The following DCDC1 variants were observed in gnomAD, a reference collection of about 807,000 sequenced individuals.
The protein encoded by DCDC1 is doublecortin domain containing 1, also known as doublecortin domain-containing protein 1.
DCDC1 carries 200 observed loss-of-function variants against 178.3 expected under a neutral mutation model. The ratio of observed to expected loss-of-function variants is 1.12; its 90% CI spans 1.00 to 1.26. The LOEUF (loss-of-function observed/expected upper bound fraction) is 1.26, where lower values mean the gene tolerates loss of function less well. Ranked by LOEUF, DCDC1 falls within the 50% of genes most tolerant of loss-of-function variation. The pLI is 0.00. For synonymous variants in DCDC1, 690 were observed against 604.8 expected, an observed-to-expected ratio of 1.14 and a Z score of -2.07; for missense variants, 1,983 against 1,749.2, an observed-to-expected ratio of 1.13 and a Z score of -2.38.
intron 36 of DCDC1, 76 bp from the exon 37 acceptor site, chr11:30,881,384 T>G: frequency 3.9e-6 from 6 of 1,525,900 alleles, no homozygotes; most frequent in Non-Finnish European, 4.4e-6. Flanking sequence ...CCAACTCTTC[T>G]GAGAAAACTA....
At chr11:30,951,413 G>A (rs1343238132) in intron 21 of DCDC1, among the ~76,000 whole-genome samples, 2 of 152,036 alleles carry the variant, frequency 1.3e-5, no homozygotes, top group East Asian at 1.9e-4. Flanking sequence ...AAAATGAGAA[G>A]AGCTTGCTAT....
chr11:31,160,802 CA>C (rs1966245126), intron 9 of DCDC1, among the ~76,000 whole-genome samples: 1 of 152,182 alleles, frequency 6.6e-6, no homozygotes, highest in Admixed American at 6.5e-5. Context: ...CACAATTTGG[CA>C]CTGTTTAGAA....
intron 14 of DCDC1, among the ~76,000 whole-genome samples, chr11:31,103,417 C>T (rs1444798780): frequency 6.6e-6 from 1 of 152,130 alleles, no homozygotes; most frequent in Non-Finnish European, 1.5e-5. Context: ...AGAAACTATA[C>T]TTCGCTCATG....
rs1948576881 is a variant in DCDC1 at position 31,308,247 on chromosome 11, A to G, written c.165-339T>C. 2.0e-5 allele frequency among the ~76,000 whole-genome samples: 3 copies of G among 152,344 alleles called. No homozygotes were observed. In the South Asian group the frequency reaches 6.2e-4, roughly 32 times the overall value. ...TGCTTTACTTAATTCAACCAAAAGGAAGCTTGCATAATGTTTAAAACAATG... is the reference window on the plus strand; with the variant it reads ...TGCTTTACTTAATTCAACCAAAAGGGAGCTTGCATAATGTTTAAAACAATG... On this transcript the variant is annotated intron_variant, in intron 3 of 38. Coordinates refer to ENST00000684477, the MANE Select transcript of DCDC1 (RefSeq NM_001387274.1).
At chr11:31,174,406 AC>A (rs1462353548) in intron 9 of DCDC1, among the ~76,000 whole-genome samples, 1 of 152,176 alleles carries the variant, frequency 6.6e-6, no homozygotes, top group Non-Finnish European at 1.5e-5. Flanking sequence ...TTGGGCACCA[AC>A]CAGCACAAGA....
At chr11:30,962,757 T>C (rs1949181735) in intron 20 of DCDC1, among the ~76,000 whole-genome samples, 1 of 152,098 alleles carries the variant, frequency 6.6e-6, no homozygotes, top group Admixed American at 6.6e-5. Flanking sequence ...TGCTATTTTG[T>C]TTTGTTTTTC....
chr11:31,336,016 A>T (rs926864708), intron 1 of DCDC1, among the ~76,000 whole-genome samples: 1 of 152,234 alleles, frequency 6.6e-6, no homozygotes, highest in Non-Finnish European at 1.5e-5. Context: ...GGCACTTATA[A>T]TCAGTTAACA....
chr11:30,939,355 C>T (rs913777350), intron 21 of DCDC1, among the ~76,000 whole-genome samples: 1 of 152,170 alleles, frequency 6.6e-6, no homozygotes, highest in African/African-American at 2.4e-5. Flanking sequence ...CTGGATGGAC[C>T]ACCAGGTTGT....
intron 9 of DCDC1, among the ~76,000 whole-genome samples, chr11:31,154,971 T>G (rs1263660742): frequency 2.0e-5 from 3 of 152,220 alleles, no homozygotes; most frequent in African/African-American, 7.2e-5. Flanking sequence ...GAAGCATTTT[T>G]AGGCAAAGGG....
At chr11:31,010,764 G>A (rs988895242) in intron 20 of DCDC1, among the ~76,000 whole-genome samples, 2 of 152,136 alleles carry the variant, frequency 1.3e-5, no homozygotes, top group African/African-American at 2.4e-5. Flanking sequence ...CCATTTTTAA[G>A]TTTTAAATAA....
intron 20 of DCDC1, among the ~76,000 whole-genome samples, chr11:30,970,081 T>A (rs939530079): frequency 1.3e-5 from 2 of 152,188 alleles, no homozygotes; most frequent in Admixed American, 1.3e-4. Flanking sequence ...TAGGATAGAA[T>A]GGGAATCTGG....
chr11:30,992,435 G>A (rs534274759), intron 20 of DCDC1: 1 of 152,284 alleles, frequency 6.6e-6, no homozygotes, highest in African/African-American at 2.4e-5. Context: ...CAGTGAGGCA[G>A]TCCTGCCAAA....
intron 24 of DCDC1, among the ~76,000 whole-genome samples, chr11:30,921,396 G>C (rs1393025132): frequency 6.6e-6 from 1 of 151,700 alleles, no homozygotes; most frequent in Non-Finnish European, 1.5e-5. Context: ...CTTTTGTCCT[G>C]GTTCCTGGAG....
chr11:31,357,285 A>G (rs1951432909), intron 1 of DCDC1, among the ~76,000 whole-genome samples: 1 of 151,272 alleles, frequency 6.6e-6, no homozygotes, highest in Non-Finnish European at 1.5e-5. Flanking sequence ...GGTTCAATAT[A>G]CGCAAATCAA....
intron 36 of DCDC1, among the ~76,000 whole-genome samples, chr11:30,888,743 C>T (rs1343849738): frequency 6.6e-6 from 1 of 152,108 alleles, no homozygotes; most frequent in Non-Finnish European, 1.5e-5. Context: ...AAAAACAAAA[C>T]AAAACAAAAG....
At chr11:31,115,866 C>T (rs1233444008) in intron 11 of DCDC1, among the ~76,000 whole-genome samples, 1 of 151,842 alleles carries the variant, frequency 6.6e-6, no homozygotes, top group African/African-American at 2.4e-5. Flanking sequence ...GCCTTTGCAT[C>T]TGTGTACCAA....
chr11:30,924,574 G>GA (rs1420069200), intron 23 of DCDC1, among the ~76,000 whole-genome samples: 1 of 151,932 alleles, frequency 6.6e-6, no homozygotes, highest in African/African-American at 2.4e-5. Flanking sequence ...TAGAGTGTAT[G>GA]AAAAAAGTAG....
At chr11:31,022,948 T>G (rs1952982803) in intron 20 of DCDC1, among the ~76,000 whole-genome samples, 3 of 152,112 alleles carry the variant, frequency 2.0e-5, no homozygotes, top group African/African-American at 7.2e-5. Context: ...TTAACCATCA[T>G]TTGCCCATCA....
chr11:31,163,838 T>C (rs1430697127), intron 9 of DCDC1, among the ~76,000 whole-genome samples: 1 of 152,178 alleles, frequency 6.6e-6, no homozygotes, highest in Non-Finnish European at 1.5e-5. Flanking sequence ...ACATCTATGG[T>C]CAGAAGAATA....
Sources: gnomAD v4.1 joint callset for allele counts (sites outside exome capture counted in the v4.1 genomes callset) on GRCh38, gnomAD v4.1.1 for gene constraint, MANE v1.5 for transcripts, NCBI Gene and HGNC (gene_info 2026-07-23, HGNC 2026-07-21) for gene names.